The following RAP1GDS1 variants were observed in gnomAD, a reference collection of about 807,000 sequenced individuals.
RAP1GDS1 encodes the protein RAP1, GTP-GDP dissociation stimulator 1.
A neutral mutation model predicts 71.1 loss-of-function variants in RAP1GDS1; 35 were observed. That is an observed-to-expected ratio of 0.49 (90% CI 0.38 to 0.65). The LOEUF is 0.65. Among genes scored for constraint, RAP1GDS1 ranks in the 30% least tolerant of loss-of-function variants. The pLI, the probability that RAP1GDS1 is intolerant of heterozygous loss-of-function variation, is 0.00. For missense variants in RAP1GDS1, 663 were observed against 706.1 expected, an observed-to-expected ratio of 0.94 and a Z score of 0.69; for synonymous variants, 229 against 243.1, an observed-to-expected ratio of 0.94 and a Z score of 0.54.
chr4:98,332,244 A>G (rs1314477998), intron 2 of RAP1GDS1, among the ~76,000 whole-genome samples: 2 of 152,220 alleles, frequency 1.3e-5, no homozygotes, highest in Non-Finnish European at 2.9e-5. Context: ...AATGTAAACA[A>G]TAAAATTAGT....
chr4:98,403,381 G>A (rs1745698986), intron 6 of RAP1GDS1, among the ~76,000 whole-genome samples: 2 of 152,144 alleles, frequency 1.3e-5, no homozygotes, highest in African/African-American at 2.4e-5. Flanking sequence ...ACAGACCTTG[G>A]TGATTTATTA....
At chr4:98,439,266 G>T (rs1050203027) in intron 14 of RAP1GDS1, among the ~76,000 whole-genome samples, 2 of 152,088 alleles carry the variant, frequency 1.3e-5, no homozygotes, top group African/African-American at 4.8e-5. Context: ...TAGCCTCCCT[G>T]GTTTCTGATG....
At chr4:98,394,785 GTGTT>G (rs1744270930) in intron 6 of RAP1GDS1, among the ~76,000 whole-genome samples, 1 of 152,070 alleles carries the variant, frequency 6.6e-6, no homozygotes, top group South Asian at 2.1e-4. Context: ...CTCTTGCTGT[GTGTT>G]TAAGACATTA....
chr4:98,441,371 G>A (rs377189344), intron 14 of RAP1GDS1: 10 of 984,860 alleles, frequency 1.0e-5, no homozygotes, highest in East Asian at 1.1e-4. Flanking sequence ...ATCTAAAAGG[G>A]AGTCCAGTGT....
chr4:98,330,466 G>A (rs1478994766), intron 2 of RAP1GDS1, among the ~76,000 whole-genome samples: 1 of 149,346 alleles, frequency 6.7e-6, no homozygotes, highest in African/African-American at 2.5e-5. Context: ...CTTCCCAGAC[G>A]GGGTGGCGGC....
chr4:98,261,886 G>C (rs1044898425), intron 1 of RAP1GDS1, among the ~76,000 whole-genome samples: 4 of 152,166 alleles, frequency 2.6e-5, no homozygotes, highest in Non-Finnish European at 5.9e-5. Context: ...TGCCTCGCGG[G>C]CTCGCATCTG....
At chr4:98,391,626 AATGGTAATGTTTGTT>A (rs1743679080) in intron 5 of RAP1GDS1, among the ~76,000 whole-genome samples, 1 of 152,134 alleles carries the variant, frequency 6.6e-6, no homozygotes, top group African/African-American at 2.4e-5. Flanking sequence ...CTCAAAAACT[AATGGTAATGTTTGTT>A]TATACTTATT....
At chr4:98,328,675 A>C (rs1733506534) in intron 2 of RAP1GDS1, among the ~76,000 whole-genome samples, 1 of 152,104 alleles carries the variant, frequency 6.6e-6, no homozygotes, top group Non-Finnish European at 1.5e-5. Context: ...CTGTATAGTC[A>C]TCGTGATTTA....
At chr4:98,419,230 T>G (rs989584762) in intron 10 of RAP1GDS1, among the ~76,000 whole-genome samples, 3 of 152,068 alleles carry the variant, frequency 2.0e-5, no homozygotes, top group Admixed American at 6.6e-5. Context: ...TGATTTTTTT[T>G]TTTTGTAGAA....
chr4:98,416,639 C>T (rs766578750), intron 7 of RAP1GDS1, 106 bp from the exon 8 acceptor site: 53 of 1,097,986 alleles, frequency 4.8e-5, no homozygotes, highest in Middle Eastern at 3.1e-4. Flanking sequence ...CGTGAGCCAC[C>T]GCACCTGGCC....
chr4:98,424,630 G>T (rs749315777), intron 12 of RAP1GDS1, among the ~76,000 whole-genome samples: 5 of 151,986 alleles, frequency 3.3e-5, no homozygotes, highest in African/African-American at 9.7e-5. Context: ...GCATGGTGGC[G>T]TGCGCCTGTA....
intron 4 of RAP1GDS1, among the ~76,000 whole-genome samples, chr4:98,353,718 C>T (rs1448687093): frequency 3.3e-5 from 5 of 152,096 alleles, no homozygotes; most frequent in African/African-American, 4.8e-5. Context: ...AGTTTTCAGT[C>T]CCCAGTATAG....
chr4:98,264,351 A>G (rs1370175055), intron 1 of RAP1GDS1, among the ~76,000 whole-genome samples: 1 of 152,114 alleles, frequency 6.6e-6, no homozygotes, highest in Non-Finnish European at 1.5e-5. Flanking sequence ...AGCCGAGATC[A>G]TGCCATTGCA....
intron 14 of RAP1GDS1, among the ~76,000 whole-genome samples, chr4:98,440,538 C>T (rs1384076739): frequency 3.9e-5 from 6 of 152,174 alleles, no homozygotes; most frequent in African/African-American, 1.4e-4. Context: ...AATGGCCAAA[C>T]TAATGAGTGT....
At chr4:98,308,269 C>CCCA (rs1491521889) in intron 2 of RAP1GDS1, among the ~76,000 whole-genome samples, 2 of 135,444 alleles carry the variant, frequency 1.5e-5, no homozygotes, top group African/African-American at 5.6e-5. Flanking sequence ...TACACACACA[C>CCCA]CCACACACAT....
At chr4:98,433,224 A>G (rs1421740431) in intron 12 of RAP1GDS1, among the ~76,000 whole-genome samples, 2 of 152,136 alleles carry the variant, frequency 1.3e-5, no homozygotes, top group Admixed American at 6.5e-5. Context: ...AAGTACTTAA[A>G]ATTTTTTCAT....
chr4:98,354,475 T>C (rs996376011), intron 4 of RAP1GDS1, among the ~76,000 whole-genome samples: 2 of 152,230 alleles, frequency 1.3e-5, no homozygotes, highest in Admixed American at 1.3e-4. Flanking sequence ...TTCCTATTAA[T>C]AAAATAGAAA....
At chr4:98,387,327 A>G (rs572515608) in intron 5 of RAP1GDS1, 1 of 398,504 alleles carries the variant, frequency 2.5e-6, no homozygotes, top group African/African-American at 2.1e-5. Context: ...AATCACTGGA[A>G]TTCTCAGCAT....
chr4:98,353,528 A>G (rs886325614), intron 4 of RAP1GDS1, among the ~76,000 whole-genome samples: 1 of 152,204 alleles, frequency 6.6e-6, no homozygotes, highest in Non-Finnish European at 1.5e-5. Context: ...TTTATGATAA[A>G]GAAGTAGGAA....
Sources: allele counts gnomAD v4.1 joint callset (sites outside exome capture counted in the v4.1 genomes callset), GRCh38; gene constraint gnomAD v4.1.1; transcripts MANE v1.5; gene names NCBI Gene and HGNC (gene_info 2026-07-23, HGNC 2026-07-21).